MACROD2: variants seen among roughly 807,000 people sequenced by gnomAD.
The protein encoded by MACROD2 is mono-ADP ribosylhydrolase 2.
In MACROD2, 36 loss-of-function variants were observed where a neutral mutation model predicts 70.4. That is an observed-to-expected ratio of 0.51 (90% CI 0.39 to 0.68). The LOEUF (loss-of-function observed/expected upper bound fraction) is 0.68. Ranked by LOEUF, MACROD2 falls within the 30% of genes least tolerant of loss-of-function variation. MACROD2 has a pLI of 0.00. For synonymous variants in MACROD2, 172 were observed against 178.8 expected (o/e 0.96, Z 0.30); for missense variants, 496 against 538.4 (o/e 0.92, Z 0.78).
rs57019957 is a variant in MACROD2, at chr20:14,549,933, T to TG, written c.301+56425_301+56426insG. ...TAACCATTTTCATATGAATTACACC[T>TG]TTTTTTTTTTTTTAAGATGGAGTCT... is the stretch of plus-strand genomic sequence containing the variant. On this transcript the variant is annotated intron_variant, in intron 4 of 17. Transcript: ENST00000684519. Among the ~76,000 whole-genome samples, 198 of 136,856 alleles carry TG rather than the reference T, an allele frequency of 1.4e-3. 1 individual carries two copies. The highest frequency in any genetic ancestry group is 5.2e-3 in the African/African-American group (183 of 35,026). 89.8% of individuals were successfully genotyped at this position (136,856 alleles called of 152,430 possible).
At chr20:15,692,442 G>A (rs2050310127) in intron 8 of MACROD2, among the ~76,000 whole-genome samples, 1 of 152,050 alleles carries the variant, frequency 6.6e-6, no homozygotes, top group Non-Finnish European at 1.5e-5. Context: ...GGTTGAGGGG[G>A]AAAATTAGAA....
intron 5 of MACROD2, among the ~76,000 whole-genome samples, chr20:15,093,832 G>A (rs2075809600): frequency 1.3e-5 from 2 of 152,164 alleles, no homozygotes; most frequent in East Asian, 1.9e-4. Context: ...TACTTAGTCT[G>A]TGTCAGACAC....
At chr20:14,998,621 T>C (rs997981489) in intron 5 of MACROD2, among the ~76,000 whole-genome samples, 1 of 152,126 alleles carries the variant, frequency 6.6e-6, no homozygotes, top group African/African-American at 2.4e-5. Context: ...GAAGCACACC[T>C]ATAGGATCGA....
intron 2 of MACROD2, among the ~76,000 whole-genome samples, chr20:14,034,386 G>T (rs1485199877): frequency 6.6e-6 from 1 of 152,118 alleles, no homozygotes; most frequent in Non-Finnish European, 1.5e-5. Flanking sequence ...TTTTCATTTT[G>T]CTAGTGTAAC....
chr20:15,829,620 C>T (rs1229360085), intron 8 of MACROD2, among the ~76,000 whole-genome samples: 1 of 152,126 alleles, frequency 6.6e-6, no homozygotes, highest in Non-Finnish European at 1.5e-5. Flanking sequence ...CTTTGATCCT[C>T]TTTAAGTTCT....
At chr20:14,222,495 G>C (rs2081685088) in intron 3 of MACROD2, among the ~76,000 whole-genome samples, 1 of 152,116 alleles carries the variant, frequency 6.6e-6, no homozygotes, top group South Asian at 2.1e-4. Flanking sequence ...AGTGTGAGGG[G>C]ATGGGAGGAG....
At chr20:15,295,595 T>TCACACACACACACACACACACACA (rs3223712) in intron 6 of MACROD2, among the ~76,000 whole-genome samples, 12 of 147,938 alleles carry the variant, frequency 8.1e-5, no homozygotes, top group Non-Finnish European at 1.6e-4. Context: ...ATGTCTGTCA[T>TCACACACACACACACACACACACA]CACACACACA....
intron 3 of MACROD2, among the ~76,000 whole-genome samples, chr20:14,215,184 A>G (rs934390734): frequency 6.6e-6 from 1 of 150,560 alleles, no homozygotes; most frequent in African/African-American, 2.4e-5. Context: ...TTTCCATCAT[A>G]TATATTCCAT....
At chr20:15,319,740 A>C (rs1019155488) in intron 6 of MACROD2, among the ~76,000 whole-genome samples, 1 of 152,242 alleles carries the variant, frequency 6.6e-6, no homozygotes, top group Non-Finnish European at 1.5e-5. Context: ...GAATGGAGAA[A>C]TTAATTGTGG....
chr20:16,025,318 G>C (rs559912339), intron 15 of MACROD2, among the ~76,000 whole-genome samples: 1 of 152,172 alleles, frequency 6.6e-6, no homozygotes, highest in African/African-American at 2.4e-5. Context: ...AGCTGTGGCA[G>C]CCTGAGATAT....
At chr20:15,704,849 T>C (rs188514755) in intron 8 of MACROD2, among the ~76,000 whole-genome samples, 2 of 152,346 alleles carry the variant, frequency 1.3e-5, no homozygotes, top group East Asian at 3.9e-4. Context: ...AGTATTTCTT[T>C]ATTGCTCTTT....
intron 6 of MACROD2, among the ~76,000 whole-genome samples, chr20:15,305,461 A>G (rs763619490): frequency 8.5e-5 from 13 of 152,170 alleles, no homozygotes; most frequent in Non-Finnish European, 1.9e-4. Flanking sequence ...ATAAATGCTT[A>G]TGCACTGTTT....
chr20:14,856,469 T>A (rs1332922672), intron 5 of MACROD2, among the ~76,000 whole-genome samples: 1 of 152,206 alleles, frequency 6.6e-6, no homozygotes, highest in Non-Finnish European at 1.5e-5. Flanking sequence ...CTATTGAATT[T>A]GTGTCCACAA....
At chr20:15,591,058 C>T (rs1299201366) in intron 8 of MACROD2, among the ~76,000 whole-genome samples, 3 of 152,078 alleles carry the variant, frequency 2.0e-5, no homozygotes, top group African/African-American at 7.2e-5. Context: ...TTTTCTTTTA[C>T]AGGAAATTGA....
chr20:15,874,301 A>T (rs1601033594), intron 9 of MACROD2, among the ~76,000 whole-genome samples: 1 of 151,798 alleles, frequency 6.6e-6, no homozygotes, highest in Non-Finnish European at 1.5e-5. Flanking sequence ...TATTTTCTTT[A>T]TCCAGTCTAT....
chr20:15,960,815 C>T (rs2147390441), intron 12 of MACROD2, among the ~76,000 whole-genome samples: 1 of 152,250 alleles, frequency 6.6e-6, no homozygotes, highest in East Asian at 1.9e-4. Flanking sequence ...CCATCGGCTC[C>T]AACCTCAGGG....
At chr20:15,735,236 C>T (rs1040695208) in intron 8 of MACROD2, among the ~76,000 whole-genome samples, 3 of 152,184 alleles carry the variant, frequency 2.0e-5, no homozygotes, top group Admixed American at 1.3e-4. Context: ...GCTGAGATTA[C>T]AGGTGAGAGC....
intron 2 of MACROD2, among the ~76,000 whole-genome samples, chr20:14,052,727 G>A (rs994050458): frequency 6.6e-6 from 1 of 151,726 alleles, no homozygotes; most frequent in Admixed American, 6.6e-5. Context: ...CATATGTCAG[G>A]GAATTTCTCA....
intron 2 of MACROD2, among the ~76,000 whole-genome samples, chr20:14,073,748 A>G (rs2053880927): frequency 6.6e-6 from 1 of 152,230 alleles, no homozygotes; most frequent in Non-Finnish European, 1.5e-5. Flanking sequence ...TATAAATGTA[A>G]TCATTATAAA....
Sources: gnomAD v4.1 joint callset for allele counts (sites outside exome capture counted in the v4.1 genomes callset) on GRCh38, gnomAD v4.1.1 for gene constraint, MANE v1.5 for transcripts, NCBI Gene and HGNC (gene_info 2026-07-23, HGNC 2026-07-21) for gene names.